WDR81: variants seen among roughly 807,000 people sequenced by gnomAD.
WDR81 encodes the protein WD repeat domain 81, also known as WD repeat-containing protein 81.
WDR81 carries 92 observed loss-of-function variants against 140.8 expected under a neutral mutation model. The observed-to-expected ratio is 0.65, with a 90% CI of 0.55 to 0.78. WDR81 has a LOEUF of 0.78. Among genes scored for constraint, WDR81 ranks in the 30% least tolerant of loss-of-function variants. The probability of loss-of-function intolerance (pLI) is 0.00; values close to 1 mark genes in which losing one functional copy is unlikely to be tolerated. For synonymous variants in WDR81, 1,183 were observed against 1,156.4 expected (o/e 1.02, Z -0.47); for missense variants, 2,502 against 2,636.4 (o/e 0.95, Z 1.12).
At chr17:1,723,631 G>A (rs770780897), upstream of WDR81, among the ~76,000 whole-genome samples, 16 of 151,682 alleles carry the variant, frequency 1.1e-4, no homozygotes, top group Non-Finnish European at 2.2e-4. Context: ...GACTACAGGC[G>A]CCCCCCACCA....
Position 1,730,384 on chromosome 17 carries a change from A to G in WDR81, c.3672A>G (p.Thr1224=). The change falls in exon 2 of 10, where the codon ACA becomes ACG. Residue 1224 remains threonine (T), a synonymous_variant. Coordinates refer to ENST00000409644, the MANE Select transcript of WDR81 (RefSeq NM_001163809.2). ...GGGCCTGCTCCCACCCCGCAGATACAGCCTGCAAGATGGTCCGCTGGCTGT... is the reference window on the plus strand; with the variant it reads ...GGGCCTGCTCCCACCCCGCAGATACGGCCTGCAAGATGGTCCGCTGGCTGT... ...EGKEQKILLD[T]ACKMVRWLSA... is the part of the protein sequence containing the mutation. The G allele has an allele frequency of 6.2e-7, 1 of 1,611,738 alleles. No individual in the cohort carries two copies. The highest frequency in any genetic ancestry group is 8.5e-7 in the Non-Finnish European group (1 of 1,179,310).
At chr17:1,723,043 A>G (rs1254872680), upstream of WDR81, among the ~76,000 whole-genome samples, 1 of 152,198 alleles carries the variant, frequency 6.6e-6, no homozygotes, top group Non-Finnish European at 1.5e-5. Flanking sequence ...CCTGTACACC[A>G]AACTCCTTCA....
chr17:1,728,395 T>C lies in WDR81; in HGVS notation c.3436T>C (p.Leu1146=). 6.2e-7 allele frequency: 1 copy of C among 1,612,744 alleles called. No individual in the cohort carries two copies. Among genetic ancestry groups the C allele is most frequent in the Non-Finnish European group, 8.5e-7 (1 of 1,179,846 alleles). Residue 1146 remains leucine, a synonymous_variant, in exon 1 of 10, where the codon TTG becomes CTG. Transcript: ENST00000409644. ...TCGATCAGGTGACAGCAGCCAGGAC[T>C]TGAAGCAAAGCGAGGGCTCCGAGGA... The part of the protein sequence containing the change: ...SLRSGDSSQD[L]KQSEGSEEEE...
rs562427792 is a variant in WDR81 at position 1,731,294 on chromosome 17, C to T, written c.4157+36C>T. ...GCCCCAGCTGATGTAGGGGGACCGG[C>T]CCAGCGGAGGGGCTGCCCAGGAGGG... On this transcript the variant is annotated intron_variant, in intron 4 of 9. Coordinates refer to ENST00000409644, the MANE Select transcript of WDR81 (RefSeq NM_001163809.2). 33 of 1,598,462 alleles carry T rather than the reference C, an allele frequency of 2.1e-5. No homozygotes were observed. In the African/African-American group the frequency reaches 4.0e-4, roughly 19 times the overall value.
Position 1,728,382 on chromosome 17 carries a change from C to T in WDR81, c.3423C>T (p.Asp1141=), listed in dbSNP as rs752758868. Residue 1141 remains aspartate (D), a synonymous_variant, in exon 1 of 10, where the codon GAC becomes GAT. Transcript: ENST00000409644. ...ACAAGAGCAGCCTTCGATCAGGTGA[C>T]AGCAGCCAGGACTTGAAGCAAAGCG... ...PVDKSSLRSG[D]SSQDLKQSEG... 1.2e-6 allele frequency: 2 copies of T among 1,612,950 alleles called. No individual in the cohort carries two copies. The highest frequency in any genetic ancestry group is 1.7e-6 in the Non-Finnish European group (2 of 1,179,982).
chr17:1,727,835 A>G lies in WDR81; in HGVS notation c.2876A>G (p.Asn959Ser), dbSNP rs1384699522. The G allele has an allele frequency of 1.5e-5, 23 of 1,550,524 alleles. No individual in the cohort carries two copies. Among genetic ancestry groups the G allele is most frequent in the Admixed American group, 5.9e-5 (3 of 50,990 alleles). ...VAKALGPKNA[N>S]KYLLKPLIGA... is the part of the protein sequence containing the mutation. ...AAGGCACTGGGCCCCAAAAATGCCA[A>G]TAAGTACCTCCTGAAGCCGCTCATT... Residue 959 changes from asparagine (N) to serine (S), a missense_variant, in exon 1 of 10, where the codon AAT (asparagine) becomes AGT (serine). Coordinates refer to ENST00000409644, the MANE Select transcript of WDR81 (RefSeq NM_001163809.2).
At position 1,730,870 on chromosome 17, in the gene WDR81, C is replaced by T; in HGVS notation, c.3891C>T (p.Ser1297=). 5 of 1,612,972 alleles carry T rather than the reference C, an allele frequency of 3.1e-6. No individual in the cohort carries two copies. The highest frequency in any genetic ancestry group is 1.6e-4 in the Middle Eastern group (1 of 6,062). ...ACATCGTGTCAGGGCCTGTGCTCAG[C>T]TGCCTCCTCCACATCGCCCGCCTGT... ...LGDIVSGPVL[S]CLLHIARLYG... is the part of the protein sequence containing the mutation. Residue 1297 remains serine (S), a synonymous_variant, in exon 3 of 10, where the codon AGC becomes AGT. Coordinates refer to ENST00000409644, the MANE Select transcript of WDR81 (RefSeq NM_001163809.2).
Position 1,726,084 on chromosome 17 carries a change from G to A in WDR81, c.1125G>A (p.Gly375=). Residue 375 remains glycine (G), a synonymous_variant, in exon 1 of 10, where the codon GGG becomes GGA. Coordinates refer to ENST00000409644, the MANE Select transcript of WDR81 (RefSeq NM_001163809.2). ...QLNRLAGRRQ[G]DPNYHPVLPW... is the part of the protein sequence containing the mutation. ...ATCGGTTGGCAGGTCGGCGGCAGGGGGACCCCAACTACCACCCCGTGCTGC... is the reference window on the plus strand; with the variant it reads ...ATCGGTTGGCAGGTCGGCGGCAGGGAGACCCCAACTACCACCCCGTGCTGC... The A allele has an allele frequency of 6.5e-7, 1 of 1,547,716 alleles. No homozygotes were observed. Among genetic ancestry groups the A allele is most frequent in the Non-Finnish European group, 8.7e-7 (1 of 1,145,048 alleles).
chr17:1,729,084 TCA>T (rs1448059854), intron 1 of WDR81, among the ~76,000 whole-genome samples: 1 of 152,108 alleles, frequency 6.6e-6, no homozygotes, highest in African/African-American at 2.4e-5. Context: ...TTCACAGAGC[TCA>T]CACCCAGCAG....
rs147625451 is a variant in WDR81, at chr17:1,733,628, G to T, written c.4591G>T (p.Val1531Leu). 6.3e-7 allele frequency: 1 copy of T among 1,598,348 alleles called. No homozygotes were observed. Among genetic ancestry groups the T allele is most frequent in the East Asian group, 2.2e-5 (1 of 44,626 alleles). ...CCCCAGCAGTCGCAACCCTGCCAGC[G>T]TGGAGCCCACCATGCCCGGCACCGG... ...ISPSSRNPAS[V>L]EPTMPGTGPE... is the part of the protein sequence containing the mutation. The change falls in exon 7 of 10, where the codon GTG (valine) becomes TTG (leucine). Residue 1531 changes from valine to leucine, a missense_variant. Around this residue, in one of 3 missense-constraint regions of WDR81, gnomAD observed 1,737 missense variants for 1,843.0 expected, o/e 0.94. Transcript: ENST00000409644.
upstream of WDR81, among the ~76,000 whole-genome samples, chr17:1,720,264 G>A (rs963315518): frequency 3.3e-5 from 5 of 152,146 alleles, no homozygotes; most frequent in African/African-American, 7.2e-5. Flanking sequence ...GCCAAGGGGA[G>A]CGGCTAATTT....
intron 1 of WDR81, among the ~76,000 whole-genome samples, chr17:1,728,910 A>G (rs1299570927): frequency 7.9e-5 from 12 of 151,930 alleles, no homozygotes; most frequent in Non-Finnish European, 1.3e-4. Flanking sequence ...CCGAGATCGC[A>G]CCACTGCACT....
rs770755298 is a variant in WDR81, at chr17:1,728,484, C to T, written c.3525C>T (p.Val1175=). 3 of 1,602,784 alleles carry T rather than the reference C, an allele frequency of 1.9e-6. No individual in the cohort carries two copies. The highest frequency in any genetic ancestry group is 2.7e-5 in the African/African-American group (2 of 74,746). The part of the protein sequence containing the change: ...LEEEEGEQEE[V]TGASELTLSD... ...AGGAGGAGGGGGAGCAGGAGGAGGT[C>T]ACCGGGGCATCTGAGCTCACTCTGT... Residue 1175 remains valine, a synonymous_variant, in exon 1 of 10, where the codon GTC becomes GTT. Transcript: ENST00000409644.
chr17:1,732,467 C>G lies in WDR81; in HGVS notation c.4300C>G (p.Gln1434Glu), dbSNP rs549804944. Residue 1434 changes from glutamine to glutamate, a missense_variant, in exon 5 of 10, where the codon CAG becomes GAG. Transcript: ENST00000409644. ...GGCCACCTTTTTCCAGGTCTTCTCT[C>G]AGCTGCATGAGCTTCGGCAACAGGT... ...PVATFFQVFS[Q>E]LHELRQQDLK... 1.3e-4 allele frequency: 204 copies of G among 1,613,382 alleles called. 1 individual carries two copies. The East Asian group carries it at 4.3e-3, about 34-fold the overall frequency.
Position 1,725,792 on chromosome 17 carries a change from G to A in WDR81, c.833G>A (p.Gly278Glu). 1 of 1,550,688 alleles carries A rather than the reference G, an allele frequency of 6.4e-7. No individual in the cohort carries two copies. Among genetic ancestry groups the A allele is most frequent in the Middle Eastern group, 1.7e-4 (1 of 5,992 alleles). The part of the protein sequence containing the change: ...LRAMDACHRQ[G>E]LACGALSLYH... Reference sequence around the variant, plus strand: ...GCTATGGACGCCTGTCACCGCCAGGGGCTGGCGTGTGGGGCCCTGTCTTTG... The same window carrying A: ...GCTATGGACGCCTGTCACCGCCAGGAGCTGGCGTGTGGGGCCCTGTCTTTG... Residue 278 changes from glycine to glutamate, a missense_variant, in exon 1 of 10, where the codon GGG becomes GAG. Physicochemically the swap from Gly to Glu is moderately conservative, Grantham distance 98. Transcript: ENST00000409644.
At chr17:1,716,650 A>G (rs753238537) in intron 1 of WDR81, 2 of 1,551,618 alleles carry the variant, frequency 1.3e-6, no homozygotes, top group South Asian at 1.2e-5. Flanking sequence ...TGGCATTTTT[A>G]AACTGAGCTC....
Position 1,726,456 on chromosome 17 carries a change from C to G in WDR81, c.1497C>G (p.Pro499=). The stretch of plus-strand genomic sequence containing the variant: ...GCATTCCGGAGTTCTACACCGATCC[C>G]TCTATCTTCCGCTCCATCCACCCCG... ...DECIPEFYTD[P]SIFRSIHPDM... Residue 499 remains proline, a synonymous_variant, in exon 1 of 10, where the codon CCC becomes CCG. Coordinates refer to ENST00000409644, the MANE Select transcript of WDR81 (RefSeq NM_001163809.2). 1.3e-6 allele frequency: 2 copies of G among 1,550,528 alleles called. No homozygotes were observed. The highest frequency in any genetic ancestry group is 2.4e-5 in the South Asian group (2 of 84,058).
At position 1,734,044 on chromosome 17, in the gene WDR81, TCGTAC is replaced by T; in HGVS notation, c.5011_5015del (p.Thr1671AlafsTer35). ...ACTTCTTCCTGAGCGGCAGCAAGGATCGTACCGTGCGCCTCTGGCCGCTGTACAAC... is the reference window on the plus strand; with the variant it reads ...ACTTCTTCCTGAGCGGCAGCAAGGATCGTGCGCCTCTGGCCGCTGTACAAC... On this transcript the variant is annotated frameshift_variant, in exon 7 of 10. Transcript: ENST00000409644. LOFTEE classifies it high-confidence loss of function. 1.2e-6 allele frequency: 2 copies of T among 1,610,044 alleles called. No individual in the cohort carries two copies. The highest frequency in any genetic ancestry group is 1.7e-6 in the Non-Finnish European group (2 of 1,179,958).
chr17:1,727,529 C>A lies in WDR81; in HGVS notation c.2570C>A (p.Pro857Gln), dbSNP rs766830327. ...EYRPVSQGLP[P>Q]PCPSQLLSPF... Reference sequence around the variant, plus strand: ...AGGCCTGTCTCCCAGGGCCTGCCCCCACCCTGCCCAAGCCAGCTTCTCAGC... The same window carrying A: ...AGGCCTGTCTCCCAGGGCCTGCCCCAACCCTGCCCAAGCCAGCTTCTCAGC... The change falls in exon 1 of 10, where the codon CCA becomes CAA. Residue 857 changes from proline (P) to glutamine (Q), a missense_variant. Transcript: ENST00000409644. 1.9e-6 allele frequency: 3 copies of A among 1,550,424 alleles called. No homozygotes were observed. Among genetic ancestry groups the A allele is most frequent in the East Asian group, 2.4e-5 (1 of 40,916 alleles).
Sources: gnomAD v4.1 joint callset for allele counts (sites outside exome capture counted in the v4.1 genomes callset) on GRCh38, gnomAD v4.1.1 for gene constraint, gnomAD v4.1.1 regional missense constraint, MANE v1.5 for transcripts, NCBI Gene and HGNC (gene_info 2026-07-23, HGNC 2026-07-21) for gene names.